The following NMRK1 variants were observed in gnomAD, a reference collection of about 807,000 sequenced individuals.
NMRK1 encodes the protein NRK 1.
A neutral mutation model predicts 29.9 loss-of-function variants in NMRK1; 28 were observed. The ratio of observed to expected loss-of-function variants is 0.94; its 90% CI spans 0.69 to 1.28. The LOEUF (loss-of-function observed/expected upper bound fraction) is 1.28. NMRK1 is among the 50% of genes most tolerant of loss of function. The pLI is 0.00. For missense variants in NMRK1, 218 were observed against 233.1 expected (o/e 0.94, Z 0.42); for synonymous variants, 58 against 73.0 (o/e 0.79, Z 1.05).
intron 1 of NMRK1, among the ~76,000 whole-genome samples, chr9:75,083,402 GTC>G (rs1280302754): frequency 1.3e-5 from 2 of 152,198 alleles, no homozygotes; most frequent in Admixed American, 6.5e-5. Context: ...CCCCTTGAAC[GTC>G]TGTTTTCTGG....
At chr9:75,074,337 G>A (rs546683123) in intron 4 of NMRK1, among the ~76,000 whole-genome samples, 43 of 150,318 alleles carry the variant, frequency 2.9e-4, no homozygotes, top group Non-Finnish European at 3.8e-4. Flanking sequence ...GGTATATTTG[G>A]GCTTAAATCT....
intron 8 of NMRK1, among the ~76,000 whole-genome samples, chr9:75,064,126 T>C (rs1823203421): frequency 6.6e-6 from 1 of 152,204 alleles, no homozygotes; most frequent in Non-Finnish European, 1.5e-5. Flanking sequence ...TCAGCTGTTC[T>C]TGGGCTTTGG....
intron 7 of NMRK1, 99 bp from the exon 8 acceptor site, chr9:75,066,939 T>A: frequency 1.4e-6 from 1 of 694,210 alleles, no homozygotes; most frequent in Non-Finnish European, 2.5e-6. Context: ...CCAATAGGTT[T>A]AACCAAGGCA....
rs539758473 is a variant in NMRK1, at chr9:75,085,148, A to T, written c.-35-1998T>A. 3.5e-4 allele frequency among the ~76,000 whole-genome samples: 53 copies of T among 152,332 alleles called. 1 individual carries two copies. The South Asian group carries it at 0.011, about 30-fold the overall frequency. On this transcript the variant is annotated intron_variant, in intron 1 of 8. Transcript: ENST00000361092. ...TTTACCAAATAAAATAAAAATTCAT[A>T]AAACCTTGTCATTCCTTGCCCCCAT...
At chr9:75,073,850 T>C (rs1451228760) in intron 4 of NMRK1, among the ~76,000 whole-genome samples, 1 of 152,228 alleles carries the variant, frequency 6.6e-6, no homozygotes, top group African/African-American at 2.4e-5. Context: ...GTTATGGTAT[T>C]AGGTAGATAA....
chr9:75,073,469 G>T (rs1481635701), intron 4 of NMRK1, among the ~76,000 whole-genome samples: 1 of 152,144 alleles, frequency 6.6e-6, no homozygotes, highest in Non-Finnish European at 1.5e-5. Flanking sequence ...GCTAGGCGTG[G>T]TGGCTCACAC....
chr9:75,086,861 T>C (rs1824671932), intron 1 of NMRK1, among the ~76,000 whole-genome samples: 1 of 152,132 alleles, frequency 6.6e-6, no homozygotes. Flanking sequence ...TTTCCTACTA[T>C]TGTTTAAACT....
chr9:75,063,141 A>T (rs574380916), intron 8 of NMRK1, among the ~76,000 whole-genome samples: 109 of 151,912 alleles, frequency 7.2e-4, no homozygotes, highest in Non-Finnish European at 9.1e-4. Flanking sequence ...CGTCTCTACT[A>T]AAAAAATATA....
chr9:75,078,590 C>A, intron 2 of NMRK1: 1 of 1,243,804 alleles, frequency 8.0e-7, no homozygotes, highest in Non-Finnish European at 1.0e-6. Context: ...TGTCTGTGAA[C>A]ATAAGTCAGG....
At chr9:75,062,310 T>G in intron 8 of NMRK1, among the ~76,000 whole-genome samples, 1 of 151,196 alleles carries the variant, frequency 6.6e-6, no homozygotes, top group East Asian at 1.9e-4. Context: ...TACTATAATT[T>G]TATAATGAGA....
intron 4 of NMRK1, among the ~76,000 whole-genome samples, chr9:75,072,654 A>G (rs923702077): frequency 1.1e-4 from 17 of 152,330 alleles, no homozygotes; most frequent in Admixed American, 5.2e-4. Flanking sequence ...ACTTCTGCAT[A>G]TCTTTGAAAT....
intron 1 of NMRK1, among the ~76,000 whole-genome samples, chr9:75,085,401 A>T (rs1211965950): frequency 1.3e-5 from 2 of 152,222 alleles, no homozygotes; most frequent in East Asian, 3.8e-4. Context: ...CTTTATTACT[A>T]ACAGCAAAGA....
At chr9:75,066,284 C>G (rs760694682) in intron 8 of NMRK1, 1 of 518,466 alleles carries the variant, frequency 1.9e-6, no homozygotes, top group Non-Finnish European at 3.9e-6. Flanking sequence ...CAAACAGTGC[C>G]GTCCAATATG....
chr9:75,081,892 T>C (rs1287029542), intron 2 of NMRK1, among the ~76,000 whole-genome samples: 1 of 152,150 alleles, frequency 6.6e-6, no homozygotes, highest in Non-Finnish European at 1.5e-5. Flanking sequence ...TAGTAGATCT[T>C]TGTGACCAAA....
intron 8 of NMRK1, among the ~76,000 whole-genome samples, chr9:75,065,328 C>T (rs922235475): frequency 7.2e-5 from 11 of 152,142 alleles, no homozygotes; most frequent in South Asian, 2.1e-4. Context: ...CACCACCACA[C>T]CTGGCTAATT....
At position 75,069,885 on chromosome 9, in the gene NMRK1, A is replaced by G; in HGVS notation, c.317+10T>C. ...TCACTCAGAGACAATATTAGGGTGGAGATGCTTACTTATAATTAAAAAGAA... is the reference window on the plus strand; with the variant it reads ...TCACTCAGAGACAATATTAGGGTGGGGATGCTTACTTATAATTAAAAAGAA... On this transcript the variant is annotated intron_variant, in intron 5 of 8. Transcript: ENST00000361092. 6.2e-7 allele frequency: 1 copy of G among 1,613,018 alleles called. No homozygotes were observed. The highest frequency in any genetic ancestry group is 8.5e-7 in the Non-Finnish European group (1 of 1,179,628).
intron 1 of NMRK1, among the ~76,000 whole-genome samples, chr9:75,085,942 T>G (rs1256870596): frequency 1.0e-4 from 8 of 78,832 alleles, no homozygotes; most frequent in East Asian, 4.6e-4. Flanking sequence ...GGGTGGGGGG[T>G]GGGCCTAGCA....
In NMRK1 at chr9:75,066,788, T is replaced by TTCA. The variant is rs1386708312; in HGVS notation, c.546_548dup (p.Tyr182_Glu183insAsp). On this transcript the variant is annotated inframe_insertion, in exon 8 of 9. Coordinates refer to ENST00000361092, the MANE Select transcript of NMRK1 (RefSeq NM_017881.3). ...GCTTTGCTAGTTCTTGTATTAGATC[T>TTCA]TCATATACTTGCAAAAAGAGGTCCT... 6.2e-7 allele frequency: 1 copy of TTCA among 1,609,004 alleles called. No individual in the cohort carries two copies. Among genetic ancestry groups the TTCA allele is most frequent in the Non-Finnish European group, 8.5e-7 (1 of 1,175,414 alleles).
chr9:75,083,616 C>T (rs1024196267), intron 1 of NMRK1, among the ~76,000 whole-genome samples: 1 of 152,156 alleles, frequency 6.6e-6, no homozygotes, highest in Non-Finnish European at 1.5e-5. Flanking sequence ...AAGCTAATGC[C>T]GTTTAAAGAT....
Sources: allele counts gnomAD v4.1 joint callset (sites outside exome capture counted in the v4.1 genomes callset), GRCh38; gene constraint gnomAD v4.1.1; transcripts MANE v1.5; gene names NCBI Gene and HGNC (gene_info 2026-07-23, HGNC 2026-07-21).